The following JADE3 variants were observed in gnomAD, a reference collection of about 807,000 sequenced individuals.
The protein encoded by JADE3 is jade family PHD finger 3, also known as protein Jade-3.
JADE3 carries 2 observed loss-of-function variants against 50.1 expected under a neutral mutation model. That is an observed-to-expected ratio of 0.04 (90% CI 0.02 to 0.13). The LOEUF (loss-of-function observed/expected upper bound fraction) is 0.13, where lower values mean the gene tolerates loss of function less well. Ranked by LOEUF, JADE3 falls within the 10% of genes least tolerant of loss-of-function variation. The pLI is 1.00. For synonymous variants in JADE3, 218 were observed against 232.9 expected (o/e 0.94, Z 0.58); for missense variants, 475 against 634.4 (o/e 0.75, Z 2.70).
At chrX:47,018,786 A>G (rs192574285) in intron 4 of JADE3, among the ~76,000 whole-genome samples, 123 of 111,908 alleles carry the variant, frequency 1.1e-3, no homozygotes, top group African/African-American at 3.7e-3. Flanking sequence ...AGGAAATCAG[A>G]TAGGGCACAG....
In JADE3 at chrX:47,059,210, G is replaced by A. The variant is rs1243267932; in HGVS notation, c.*133G>A. The A allele has an allele frequency of 2.1e-6, 1 of 484,236 alleles. No homozygotes were observed. The highest frequency in any genetic ancestry group is 2.4e-5 in the African/African-American group (1 of 41,206). The allele number at this position is 484,236 out of a possible 1,213,427, so 39.9% of individuals were successfully genotyped here. On this transcript the variant is annotated 3_prime_UTR_variant, in exon 11 of 11. Transcript: ENST00000614628. The stretch of plus-strand genomic sequence containing the variant: ...GGATAACATTTTTCCATAGTAAATT[G>A]TCTTGCAGTTTTTGAAAATGTTTCA...
rs61687892 is a variant in JADE3, at chrX:47,006,459, GTTT to G, written c.284+8202_284+8204del. Among the ~76,000 whole-genome samples, 44 of 76,657 alleles carry G rather than the reference GTTT, an allele frequency of 5.7e-4. No homozygotes were observed. In the South Asian group the frequency reaches 0.024, roughly 41 times the overall value. 66.6% of individuals were successfully genotyped at this position (76,657 alleles called of 115,157 possible). On this transcript the variant is annotated intron_variant, in intron 4 of 10. Transcript: ENST00000614628. Reference sequence around the variant, plus strand: ...CCACCACGCCAGGCTAATTTTTGTAGTTTTTTTTTTTTTTTTTTTTTTAGAGAC... The same window carrying G: ...CCACCACGCCAGGCTAATTTTTGTAGTTTTTTTTTTTTTTTTTTTAGAGAC...
At position 47,058,412 on chromosome X, in the gene JADE3, A is replaced by G; in HGVS notation, c.1807A>G (p.Asn603Asp). 8.3e-7 allele frequency: 1 copy of G among 1,209,299 alleles called. No homozygotes were observed. ...YPRYPLESKNNRLLASLSHSR... is the reference protein window; with the variant it reads ...YPRYPLESKNDRLLASLSHSR... ...GAGATACCCACTAGAGAGCAAGAAT[A>G]ACCGTTTGCTGGCCAGTCTCAGCCA... The change falls in exon 11 of 11, where the codon AAC (asparagine) becomes GAC (aspartate). Residue 603 changes from asparagine to aspartate, a missense_variant. Asn to Asp is a conservative substitution (Grantham distance 23, BLOSUM62 1). Coordinates refer to ENST00000614628, the MANE Select transcript of JADE3 (RefSeq NM_014735.5).
chrX:46,988,150 A>G (rs1381248684), intron 3 of JADE3, among the ~76,000 whole-genome samples: 3 of 111,990 alleles, frequency 2.7e-5, no homozygotes, highest in African/African-American at 3.3e-5. Flanking sequence ...GTTTAAAATA[A>G]TGATTCCAGA....
chrX:46,925,757 G>A (rs1269550465), intron 1 of JADE3, among the ~76,000 whole-genome samples: 3 of 107,127 alleles, frequency 2.8e-5, no homozygotes, highest in Non-Finnish European at 5.8e-5. Context: ...CCGGGAGGCA[G>A]AGCTTGCAGT....
chrX:46,919,081 T>C (rs1241659379), intron 1 of JADE3, among the ~76,000 whole-genome samples: 1 of 112,744 alleles, frequency 8.9e-6, no homozygotes, highest in African/African-American at 3.2e-5. Context: ...AGAGACTAAA[T>C]AATGTGATTG....
intron 1 of JADE3, among the ~76,000 whole-genome samples, chrX:46,940,184 C>T (rs1329354954): frequency 1.8e-5 from 2 of 112,560 alleles, no homozygotes; most frequent in Non-Finnish European, 3.8e-5. Flanking sequence ...TCAAACTTTA[C>T]TCTTTGAATA....
At chrX:46,945,894 G>A (rs1926876317) in intron 1 of JADE3, among the ~76,000 whole-genome samples, 1 of 111,239 alleles carries the variant, frequency 9.0e-6, no homozygotes, top group Non-Finnish European at 1.9e-5. Context: ...AGGATAGGCC[G>A]CTCCTAGGCA....
intron 5 of JADE3, 90 bp downstream of exon 5, chrX:47,025,004 G>T: frequency 7.0e-6 from 3 of 430,164 alleles, no homozygotes; most frequent in Non-Finnish European, 1.2e-5. Flanking sequence ...TATTTTTGTT[G>T]CCTCCTTTCT....
At chrX:46,966,790 A>G (rs1927378191) in intron 1 of JADE3, among the ~76,000 whole-genome samples, 1 of 112,009 alleles carries the variant, frequency 8.9e-6, no homozygotes, top group Non-Finnish European at 1.9e-5. Flanking sequence ...AGTAGGGTCA[A>G]GAGATGGTTT....
chrX:46,923,278 G>A (rs1229593642), intron 1 of JADE3, among the ~76,000 whole-genome samples: 15 of 108,636 alleles, frequency 1.4e-4, no homozygotes, highest in Admixed American at 1.1e-3. Context: ...ACCTCTCAAA[G>A]TGCTGGGATT....
intron 8 of JADE3, among the ~76,000 whole-genome samples, chrX:47,041,656 G>A (rs782327360): frequency 2.7e-5 from 3 of 110,388 alleles, no homozygotes; most frequent in African/African-American, 9.9e-5. Flanking sequence ...CCAAAGTGCT[G>A]GGATTACAGG....
chrX:46,959,625 C>T (rs1927212475), intron 1 of JADE3, among the ~76,000 whole-genome samples: 1 of 111,005 alleles, frequency 9.0e-6, no homozygotes, highest in African/African-American at 3.3e-5. Flanking sequence ...AGAAGGCTAT[C>T]CTGAGGAAAT....
chrX:46,988,167 C>G (rs1437416973), intron 3 of JADE3, among the ~76,000 whole-genome samples: 3 of 111,678 alleles, frequency 2.7e-5, no homozygotes, highest in South Asian at 3.7e-4. Context: ...CAGACTTACC[C>G]CACCCTGTGA....
intron 2 of JADE3, among the ~76,000 whole-genome samples, chrX:46,985,141 A>G (rs1182381413): frequency 3.6e-5 from 4 of 111,994 alleles, no homozygotes; most frequent in African/African-American, 1.3e-4. Context: ...TGTGGCATAT[A>G]ACTTTTCACT....
chrX:47,046,889 T>A (rs1243317981), intron 8 of JADE3, among the ~76,000 whole-genome samples: 1 of 112,295 alleles, frequency 8.9e-6, no homozygotes, highest in African/African-American at 3.2e-5. Context: ...TTAAAATAAC[T>A]AAAAGGGTAT....
chrX:47,048,106 C>A (rs2146987286), intron 8 of JADE3, among the ~76,000 whole-genome samples: 1 of 111,538 alleles, frequency 9.0e-6, no homozygotes, highest in Non-Finnish European at 1.9e-5. Flanking sequence ...AGGCATTGCT[C>A]ACCATCCACG....
At chrX:46,940,977 A>G (rs1193176849) in intron 1 of JADE3, among the ~76,000 whole-genome samples, 2 of 111,308 alleles carry the variant, frequency 1.8e-5, no homozygotes, top group Non-Finnish European at 3.8e-5. Flanking sequence ...ATACATGTGC[A>G]GGTCTGTCAC....
intron 4 of JADE3, among the ~76,000 whole-genome samples, chrX:47,014,352 A>G (rs1556362413): frequency 1.8e-5 from 2 of 111,904 alleles, no homozygotes; most frequent in Non-Finnish European, 3.8e-5. Context: ...TTCCTTGCAA[A>G]TTGATGAGAT....
Sources: allele counts gnomAD v4.1 joint callset (sites outside exome capture counted in the v4.1 genomes callset), GRCh38; gene constraint gnomAD v4.1.1; transcripts MANE v1.5; gene names NCBI Gene and HGNC (gene_info 2026-07-23, HGNC 2026-07-21).